The following STAT4 variants were observed in gnomAD, a reference collection of about 807,000 sequenced individuals.
The protein encoded by STAT4 is signal transducer and activator of transcription 4.
A neutral mutation model predicts 110.5 loss-of-function variants in STAT4; 42 were observed. That is an observed-to-expected ratio of 0.38 (90% CI 0.30 to 0.49). The LOEUF (loss-of-function observed/expected upper bound fraction) is 0.49, where lower values mean the gene tolerates loss of function less well. STAT4 is among the 20% of genes least tolerant of loss of function. STAT4 has a pLI of 0.95. For missense variants in STAT4, 632 were observed against 887.9 expected (o/e 0.71, Z 3.66); for synonymous variants, 284 against 302.2 (o/e 0.94, Z 0.63).
Position 191,147,013 on chromosome 2 carries a change from G to C in STAT4, c.129-256C>G. Among the ~76,000 whole-genome samples, 1 of 152,162 alleles carries C rather than the reference G, an allele frequency of 6.6e-6. No individual in the cohort carries two copies. The highest frequency in any genetic ancestry group is 1.9e-4 in the East Asian group (1 of 5,198). ...AAAAGGAAAAGAAAAAACAGAAAAT[G>C]AGTGTTGGTGAGGATACAGAGAAAT... On this transcript the variant is annotated intron_variant, in intron 2 of 23. Transcript: ENST00000392320. The surrounding 1 kb of genome is among the most constrained non-coding windows in gnomAD (Gnocchi z 4.1).
intron 5 of STAT4, among the ~76,000 whole-genome samples, chr2:191,071,342 G>T (rs956728819): frequency 2.0e-5 from 3 of 152,094 alleles, no homozygotes; most frequent in African/African-American, 4.8e-5. Flanking sequence ...CTAAGTTTCT[G>T]CAGAACAAAG....
At chr2:191,151,136 T>G, upstream of STAT4, 1 of 985,462 alleles carries the variant, frequency 1.0e-6, no homozygotes, top group Non-Finnish European at 1.2e-6. This position sits in a 1 kb window ranked among gnomAD's most constrained non-coding sequence, Gnocchi z 4.7. Context: ...TCCCACCCAC[T>G]CTATTCTAGA....
intron 3 of STAT4, among the ~76,000 whole-genome samples, chr2:191,130,125 G>A (rs747410077): frequency 1.4e-4 from 21 of 151,816 alleles, no homozygotes; most frequent in Admixed American, 9.2e-4. Flanking sequence ...AATTAGCTGC[G>A]AATAGAATAT....
chr2:191,075,879 TC>T (rs1697304211), intron 4 of STAT4: 1 of 163,744 alleles, frequency 6.1e-6, no homozygotes, highest in South Asian at 2.1e-4. Flanking sequence ...AGACACAGAG[TC>T]CCTTTCTGTC....
At position 191,143,022 on chromosome 2, in the gene STAT4, A is replaced by T. The variant is rs1304279793; in HGVS notation, c.273+3591T>A. 1.3e-5 allele frequency among the ~76,000 whole-genome samples: 2 copies of T among 152,206 alleles called. No homozygotes were observed. The highest frequency in any genetic ancestry group is 2.4e-5 in the African/African-American group (1 of 41,444). On this transcript the variant is annotated intron_variant, in intron 3 of 23. Coordinates refer to ENST00000392320, the MANE Select transcript of STAT4 (RefSeq NM_003151.4). This position sits in a 1 kb window ranked among gnomAD's most constrained non-coding sequence, Gnocchi z 5.6. Reference sequence around the variant, plus strand: ...AATATTATTTCGTCAACTGTCACAAATGTATGCTACCAATGCAAGACATGA... The same window carrying T: ...AATATTATTTCGTCAACTGTCACAATTGTATGCTACCAATGCAAGACATGA...
rs1696240372 is a variant in STAT4 at position 191,042,735 on chromosome 2, G to T, written c.1252-1587C>A. ...TAAGATAGGCAAAATATTAATCATT[G>T]TTGAAGTTAGGTGATGCTTAAATTC... On this transcript the variant is annotated intron_variant, in intron 14 of 23. Transcript: ENST00000392320. The surrounding 1 kb of genome is among the most constrained non-coding windows in gnomAD (Gnocchi z 4.2). 1.3e-5 allele frequency among the ~76,000 whole-genome samples: 2 copies of T among 151,642 alleles called. No individual in the cohort carries two copies. The highest frequency in any genetic ancestry group is 4.8e-5 in the African/African-American group (2 of 41,258).
chr2:191,142,958 TTAATG>T lies in STAT4; in HGVS notation c.273+3650_273+3654del, dbSNP rs1249778105. On this transcript the variant is annotated intron_variant, in intron 3 of 23. Coordinates refer to ENST00000392320, the MANE Select transcript of STAT4 (RefSeq NM_003151.4). The surrounding 1 kb of genome is among the most constrained non-coding windows in gnomAD (Gnocchi z 4.1). ...AATTATACAACACAAGGAGTGAATC[TTAATG>T]TAGTCTTGAAATGTAAGTTAATAAT... 1.3e-5 allele frequency among the ~76,000 whole-genome samples: 2 copies of T among 152,160 alleles called. No individual in the cohort carries two copies. The highest frequency in any genetic ancestry group is 4.8e-5 in the African/African-American group (2 of 41,440).
At chr2:191,070,371 C>T (rs138385632) in intron 5 of STAT4, among the ~76,000 whole-genome samples, 311 of 152,186 alleles carry the variant, frequency 2.0e-3, no homozygotes, top group African/African-American at 6.9e-3. Context: ...TTTATATTAT[C>T]TCCTTTAGTC....
chr2:191,060,207 G>T lies in STAT4; in HGVS notation c.1035-1438C>A, dbSNP rs1443618443. On this transcript the variant is annotated intron_variant, in intron 10 of 23. Transcript: ENST00000392320. This position sits in a 1 kb window ranked among gnomAD's most constrained non-coding sequence, Gnocchi z 4.5. The stretch of plus-strand genomic sequence containing the variant: ...TGATTCAGAGTGCCTCTTCCACTTA[G>T]AATTTTTTTGCTAGGCAATCCCTAC... 2.7e-4 allele frequency among the ~76,000 whole-genome samples: 41 copies of T among 152,056 alleles called. No individual in the cohort carries two copies. Among genetic ancestry groups the T allele is most frequent in the Admixed American group, 2.7e-3 (41 of 15,266 alleles).
At position 191,032,782 on chromosome 2, in the gene STAT4, T is replaced by A. The variant is rs918434942; in HGVS notation, c.2044+176A>T. 6.2e-6 allele frequency: 4 copies of A among 644,598 alleles called. No homozygotes were observed. Among genetic ancestry groups the A allele is most frequent in the Non-Finnish European group, 5.1e-6 (2 of 392,594 alleles). The allele number at this position is 644,598 out of a possible 1,614,324, so 39.9% of individuals were successfully genotyped here. On this transcript the variant is annotated intron_variant, in intron 21 of 23. Transcript: ENST00000392320. This position sits in a 1 kb window ranked among gnomAD's most constrained non-coding sequence, Gnocchi z 4.9. ...TAGTGTTAGAAAGCCCAGCGGTCCC[T>A]TTTCAGGAACTGCTGACATACCACT...
intron 16 of STAT4, among the ~76,000 whole-genome samples, chr2:191,038,518 T>C (rs113341940): frequency 6.6e-5 from 10 of 152,230 alleles, no homozygotes; most frequent in Non-Finnish European, 1.2e-4. Context: ...CTATTTTCTC[T>C]AGACCTCAGT....
intron 3 of STAT4, among the ~76,000 whole-genome samples, chr2:191,114,481 C>T (rs1027044778): frequency 3.3e-5 from 5 of 152,118 alleles, no homozygotes; most frequent in Non-Finnish European, 5.9e-5. Flanking sequence ...ATTTCAGTAT[C>T]GTTTTTCTTA....
chr2:191,134,588 T>C (rs1019844280), intron 3 of STAT4, among the ~76,000 whole-genome samples: 6 of 152,190 alleles, frequency 3.9e-5, no homozygotes, highest in Admixed American at 6.5e-5. Flanking sequence ...CCACTGATGT[T>C]GTTTATAGCC....
At chr2:191,131,654 G>A (rs1210371937) in intron 3 of STAT4, 1 of 715,394 alleles carries the variant, frequency 1.4e-6, no homozygotes, top group African/African-American at 1.9e-5. Context: ...GGCACAAGAG[G>A]CTTCAAAGGT....
At chr2:191,149,894 C>T (rs1450840283) in intron 1 of STAT4, among the ~76,000 whole-genome samples, 1 of 152,124 alleles carries the variant, frequency 6.6e-6, no homozygotes, top group Non-Finnish European at 1.5e-5. Flanking sequence ...CTAACTAAAA[C>T]TTACAGGTAG....
chr2:191,052,377 T>C (rs534065409), intron 14 of STAT4, among the ~76,000 whole-genome samples: 1 of 152,256 alleles, frequency 6.6e-6, no homozygotes, highest in East Asian at 1.9e-4. Flanking sequence ...TAAAATAAAA[T>C]TAACCCGATT....
rs113196680 is a variant in STAT4 at position 191,050,590 on chromosome 2, G to GTT, written c.1251+3898_1251+3899dup. 5.4e-4 allele frequency among the ~76,000 whole-genome samples: 78 copies of GTT among 143,842 alleles called. No individual in the cohort carries two copies. Among genetic ancestry groups the GTT allele is most frequent in the African/African-American group, 1.9e-3 (75 of 39,438 alleles). The allele number at this position is 143,842 out of a possible 152,430, so 94.4% of individuals were successfully genotyped here. ...ATTGTCTAGTCCAATGAGTCCAAATGTTTTTTTTTTTTGACCTTGGTACAT... is the reference window on the plus strand; with the variant it reads ...ATTGTCTAGTCCAATGAGTCCAAATGTTTTTTTTTTTTTTGACCTTGGTACAT... On this transcript the variant is annotated intron_variant, in intron 14 of 23. Transcript: ENST00000392320. This position sits in a 1 kb window ranked among gnomAD's most constrained non-coding sequence, Gnocchi z 4.3.
At chr2:191,141,647 T>C (rs1003616322) in intron 3 of STAT4, among the ~76,000 whole-genome samples, 2 of 150,058 alleles carry the variant, frequency 1.3e-5, no homozygotes, top group African/African-American at 4.9e-5. Context: ...ATATATATTT[T>C]TGAGACAGAG....
rs181946333 is a variant in STAT4, at chr2:191,138,659, G to T, written c.273+7954C>A. 9.0e-4 allele frequency among the ~76,000 whole-genome samples: 137 copies of T among 152,276 alleles called. 1 individual carries two copies. The highest frequency in any genetic ancestry group is 5.0e-3 in the Admixed American group (77 of 15,300). On this transcript the variant is annotated intron_variant, in intron 3 of 23. Coordinates refer to ENST00000392320, the MANE Select transcript of STAT4 (RefSeq NM_003151.4). This position sits in a 1 kb window ranked among gnomAD's most constrained non-coding sequence, Gnocchi z 4.3. Reference sequence around the variant, plus strand: ...AAGTCCAGGACCAGATGGATTCACAGCTGAATTCTATCAGACATTCAAAGA... The same window carrying T: ...AAGTCCAGGACCAGATGGATTCACATCTGAATTCTATCAGACATTCAAAGA...
Sources: gnomAD v4.1 joint callset for allele counts (sites outside exome capture counted in the v4.1 genomes callset) on GRCh38, gnomAD v4.1.1 for gene constraint, Gnocchi (gnomAD v3.1) non-coding constraint, MANE v1.5 for transcripts, NCBI Gene and HGNC (gene_info 2026-07-23, HGNC 2026-07-21) for gene names.